BRWD1: variants seen among roughly 807,000 people sequenced by gnomAD.
The protein encoded by BRWD1 is bromodomain and WD repeat-containing protein 1.
In BRWD1, 82 loss-of-function variants were observed where a neutral mutation model predicts 251.2. That is an observed-to-expected ratio of 0.33 (90% CI 0.27 to 0.39). The LOEUF (loss-of-function observed/expected upper bound fraction) is 0.39, where lower values mean the gene tolerates loss of function less well. Ranked by LOEUF, BRWD1 falls within the 10% of genes least tolerant of loss-of-function variation. The pLI is 1.00. For missense variants in BRWD1, 2,233 were observed against 2,711.6 expected, an observed-to-expected ratio of 0.82 and a Z score of 3.92; for synonymous variants, 918 against 902.8, an observed-to-expected ratio of 1.02 and a Z score of -0.30.
At chr21:39,304,811 G>C (rs1568975253) in intron 4 of BRWD1, among the ~76,000 whole-genome samples, 1 of 151,994 alleles carries the variant, frequency 6.6e-6, no homozygotes, top group Non-Finnish European at 1.5e-5. Context: ...AAGCAGATGG[G>C]AAGACAAGAA....
chr21:39,208,431 C>T (rs1232491979), intron 36 of BRWD1, among the ~76,000 whole-genome samples: 1 of 152,088 alleles, frequency 6.6e-6, no homozygotes, highest in Non-Finnish European at 1.5e-5. Flanking sequence ...CAGGAGGAGT[C>T]TAATATTAAG....
At chr21:39,236,895 T>G in intron 22 of BRWD1, 111 bp from the exon 23 acceptor site, 208 of 843,638 alleles carry the variant, frequency 2.5e-4, no homozygotes, top group Non-Finnish European at 3.5e-4. Context: ...GAAGGGAAGA[T>G]ACCAGAAAGA....
chr21:39,313,549 C>G lies in BRWD1; in HGVS notation c.-58G>C. 1 of 1,279,094 alleles carries G rather than the reference C, an allele frequency of 7.8e-7. No homozygotes were observed. Among genetic ancestry groups the G allele is most frequent in the Non-Finnish European group, 9.9e-7 (1 of 1,011,698 alleles). The allele number at this position is 1,279,094 out of a possible 1,614,324, so 79.2% of individuals were successfully genotyped here. A position where few individuals can be genotyped will look rare whatever the true frequency, so the allele number is the denominator to read the frequency against. On this transcript the variant is annotated 5_prime_UTR_variant, in exon 1 of 41. Transcript: ENST00000342449. ...GAGCGAGCGGAGCGTGTAGGCCGCG[C>G]CGAGGCCTGACCGGGCTGGCGTCCC...
chr21:39,256,651 G>A (rs1316453173), intron 18 of BRWD1, among the ~76,000 whole-genome samples: 1 of 152,166 alleles, frequency 6.6e-6, no homozygotes, highest in African/African-American at 2.4e-5. Flanking sequence ...CCTCCCATGA[G>A]CTGGAAGCCA....
intron 4 of BRWD1, among the ~76,000 whole-genome samples, chr21:39,310,019 C>T (rs1458142896): frequency 6.6e-6 from 1 of 152,168 alleles, no homozygotes; most frequent in East Asian, 1.9e-4. Flanking sequence ...AAATGAATGG[C>T]TTTCTGGAAT....
At chr21:39,222,964 A>G (rs915026973) in intron 29 of BRWD1, among the ~76,000 whole-genome samples, 1 of 136,906 alleles carries the variant, frequency 7.3e-6, no homozygotes, top group Non-Finnish European at 1.6e-5. Context: ...CAAAACCTAA[A>G]TTTAATCCAG....
chr21:39,184,546 A>G (rs1235727251), downstream of BRWD1: 1 of 152,232 alleles, frequency 6.6e-6, no homozygotes, highest in Non-Finnish European at 1.5e-5. Context: ...CTTTGTCAGT[A>G]GTCACGAAGG....
At position 39,193,369 on chromosome 21, in the gene BRWD1, C is replaced by A; in HGVS notation, c.*2890G>T. ...TATTTGAATATGGGATAAACTTTTC[C>A]TTTTATTCATAAGTTACTTCACATT... On this transcript the variant is annotated 3_prime_UTR_variant, in exon 41 of 41. Transcript: ENST00000342449. 2.0e-6 allele frequency: 2 copies of A among 984,734 alleles called. No homozygotes were observed. The highest frequency in any genetic ancestry group is 1.2e-6 in the Non-Finnish European group (1 of 829,378). The allele number at this position is 984,734 out of a possible 1,614,324, so 61.0% of individuals were successfully genotyped here. A position where few individuals can be genotyped will look rare whatever the true frequency, so the allele number is the denominator to read the frequency against.
chr21:39,309,768 T>C (rs2036410916), intron 4 of BRWD1, among the ~76,000 whole-genome samples: 2 of 136,530 alleles, frequency 1.5e-5, no homozygotes, highest in South Asian at 4.4e-4. Flanking sequence ...GAGCTTGCAG[T>C]GAGCCGAGAT....
chr21:39,203,005 C>A (rs780368998), intron 37 of BRWD1, among the ~76,000 whole-genome samples: 1 of 152,154 alleles, frequency 6.6e-6, no homozygotes, highest in African/African-American at 2.4e-5. Context: ...GGCATCAGAA[C>A]AAAATGATTT....
rs1395252245 is a variant in BRWD1, at chr21:39,190,707, T to C, written c.*5552A>G. 1 of 985,296 alleles carries C rather than the reference T, an allele frequency of 1.0e-6. No individual in the cohort carries two copies. The highest frequency in any genetic ancestry group is 1.2e-6 in the Non-Finnish European group (1 of 829,916). 61.0% of individuals were successfully genotyped at this position (985,296 alleles called of 1,614,324 possible). On this transcript the variant is annotated 3_prime_UTR_variant, in exon 41 of 41. Coordinates refer to ENST00000342449, the MANE Select transcript of BRWD1 (RefSeq NM_033656.4). ...TCCAAAAACATCCCATAAACTGAAGTACCCCAATGGCTGTAGAATAAAATG... is the reference window on the plus strand; with the variant it reads ...TCCAAAAACATCCCATAAACTGAAGCACCCCAATGGCTGTAGAATAAAATG...
intron 27 of BRWD1, among the ~76,000 whole-genome samples, chr21:39,227,558 A>G (rs959080811): frequency 6.6e-6 from 1 of 152,172 alleles, no homozygotes; most frequent in Non-Finnish European, 1.5e-5. Context: ...GAGGTACTAA[A>G]ATTACTCCAA....
At chr21:39,282,959 CAAA>C (rs71269097) in intron 8 of BRWD1, among the ~76,000 whole-genome samples, 4 of 88,894 alleles carry the variant, frequency 4.5e-5, no homozygotes, top group Non-Finnish European at 4.4e-5. Flanking sequence ...AACTCCGTCA[CAAA>C]AAAAAAAAAA....
At position 39,188,324 on chromosome 21, in the gene BRWD1, A is replaced by T; in HGVS notation, c.*7935T>A. The T allele has an allele frequency of 4.1e-6, 4 of 985,378 alleles. No homozygotes were observed. The highest frequency in any genetic ancestry group is 4.8e-6 in the Non-Finnish European group (4 of 829,890). 61.0% of individuals were successfully genotyped at this position (985,378 alleles called of 1,614,324 possible). ...GTTTGTTTTGTAGGACCCTGCCTGA[A>T]GTTTCCAGACATTTAGCATTCAAAA... is the stretch of plus-strand genomic sequence containing the variant. On this transcript the variant is annotated 3_prime_UTR_variant, in exon 41 of 41. Transcript: ENST00000342449.
At chr21:39,200,047 C>A (rs1237356813) in intron 39 of BRWD1, among the ~76,000 whole-genome samples, 172 bp downstream of exon 39, 1 of 152,218 alleles carries the variant, frequency 6.6e-6, no homozygotes, top group Admixed American at 6.5e-5. Context: ...GCCACCGCAC[C>A]CAGCCTTTTC....
chr21:39,311,533 C>T (rs8134733), intron 4 of BRWD1, among the ~76,000 whole-genome samples: 46,555 of 152,090 alleles, frequency 0.31, 7,583 homozygotes, highest in Middle Eastern at 0.36. Context: ...TCTCAGGTAG[C>T]ACGACAACAG....
chr21:39,292,372 C>T (rs546715928), intron 8 of BRWD1, among the ~76,000 whole-genome samples: 31 of 152,294 alleles, frequency 2.0e-4, no homozygotes, highest in African/African-American at 7.2e-4. Context: ...GTAACATTTT[C>T]TGTCCCTAAT....
In BRWD1 at chr21:39,210,204, AAAT is replaced by A. The variant is rs538663846; in HGVS notation, c.4045-60_4045-58del. ...ATTCATTTCTTGCTTTTAGAAATGT[AAAT>A]GCATCAGATCTCTAAAAAATGTGAA... is the stretch of plus-strand genomic sequence containing the variant. On this transcript the variant is annotated intron_variant, in intron 35 of 40. Transcript: ENST00000342449. The A allele has an allele frequency of 3.6e-4, 514 of 1,410,248 alleles. 8 individuals carry two copies. The South Asian group carries it at 4.2e-3, about 12-fold the overall frequency. The allele number at this position is 1,410,248 out of a possible 1,614,324, so 87.4% of individuals were successfully genotyped here.
chr21:39,250,866 T>A lies in BRWD1; in HGVS notation c.2279A>T (p.Glu760Val). Residue 760 changes from glutamate to valine, a missense_variant, in exon 20 of 41, where the codon GAG becomes GTG. Glu to Val is a moderately radical substitution (Grantham distance 121). Transcript: ENST00000342449. ...AAGATTTCTTTCCTCTTCACCTTTC[T>A]CTAATCGGAAGTCTTCCAGCTTCCT... Reference protein sequence around the residue: ...IFRKLEDFRLEKGEEERNLYI... With the variant: ...IFRKLEDFRLVKGEEERNLYI... The A allele has an allele frequency of 6.3e-7, 1 of 1,598,608 alleles. No homozygotes were observed. Among genetic ancestry groups the A allele is most frequent in the Non-Finnish European group, 8.5e-7 (1 of 1,172,456 alleles).
Sources: allele counts gnomAD v4.1 joint callset (sites outside exome capture counted in the v4.1 genomes callset), GRCh38; gene constraint gnomAD v4.1.1; transcripts MANE v1.5; gene names NCBI Gene and HGNC (gene_info 2026-07-23, HGNC 2026-07-21).